ABHD12B: variants seen among roughly 807,000 people sequenced by gnomAD.
ABHD12B encodes abhydrolase domain containing 12B.
Under a neutral mutation model 50.4 loss-of-function variants are expected in ABHD12B, and 42 were observed. The ratio of observed to expected loss-of-function variants is 0.83; its 90% CI spans 0.65 to 1.08. The LOEUF (loss-of-function observed/expected upper bound fraction) is 1.08. Ranked by LOEUF, ABHD12B falls within the 50% of genes least tolerant of loss-of-function variation. The pLI, the probability that ABHD12B is intolerant of heterozygous loss-of-function variation, is 0.00. For synonymous variants in ABHD12B, 167 were observed against 160.3 expected, an observed-to-expected ratio of 1.04 and a Z score of -0.32; for missense variants, 479 against 447.7, an observed-to-expected ratio of 1.07 and a Z score of -0.63.
rs373999342 is a variant in ABHD12B, at chr14:50,892,420, T to C, written c.780+3517T>C. On this transcript the variant is annotated intron_variant, in intron 9 of 12. Transcript: ENST00000337334. ...TAGCTTTGGCCTGATTCAGGCGGGGTGCTAAGCTTTGAAGCAAAGGGCCTG... is the reference window on the plus strand; with the variant it reads ...TAGCTTTGGCCTGATTCAGGCGGGGCGCTAAGCTTTGAAGCAAAGGGCCTG... 7.1e-6 allele frequency: 7 copies of C among 985,174 alleles called. No homozygotes were observed. The East Asian group carries it at 7.9e-4, about 112-fold the overall frequency. 61.0% of individuals were successfully genotyped at this position (985,174 alleles called of 1,614,324 possible).
chr14:50,872,234 T>A lies in ABHD12B; in HGVS notation c.60T>A (p.Arg20=). Residue 20 remains arginine, a synonymous_variant, in exon 1 of 13, where the codon CGT becomes CGA. Transcript: ENST00000337334. ...ASPEPPGPPA[R]SCVAAWWDMV... Reference sequence around the variant, plus strand: ...CCGAGCCGCCCGGGCCCCCAGCCCGTAGCTGCGTGGCCGCCTGGTGGGACA... The same window carrying A: ...CCGAGCCGCCCGGGCCCCCAGCCCGAAGCTGCGTGGCCGCCTGGTGGGACA... The A allele has an allele frequency of 7.2e-7, 1 of 1,394,068 alleles. No homozygotes were observed. Among genetic ancestry groups the A allele is most frequent in the Non-Finnish European group, 9.3e-7 (1 of 1,071,038 alleles). 86.4% of individuals were successfully genotyped at this position (1,394,068 alleles called of 1,614,324 possible). A position where few individuals can be genotyped will look rare whatever the true frequency, so the allele number is the denominator to read the frequency against.
At chr14:50,892,830 G>T (rs552905433) in intron 9 of ABHD12B, 1 of 152,820 alleles carries the variant, frequency 6.5e-6, no homozygotes, top group African/African-American at 2.4e-5. Context: ...TTTGAAGTGT[G>T]TTCTAATTAT....
At chr14:50,897,462 T>A (rs562340721) in intron 9 of ABHD12B, among the ~76,000 whole-genome samples, 32 of 152,390 alleles carry the variant, frequency 2.1e-4, no homozygotes, top group African/African-American at 7.5e-4. Flanking sequence ...GCTTCTTGAC[T>A]TAAAGTCAAC....
chr14:50,894,284 C>A (rs1018824113), intron 9 of ABHD12B, among the ~76,000 whole-genome samples: 6 of 152,068 alleles, frequency 3.9e-5, no homozygotes, highest in South Asian at 2.1e-4. Context: ...GGGCAAAAAA[C>A]CCCCAATCGC....
intron 9 of ABHD12B, chr14:50,892,219 G>C (rs1414583937): frequency 1.9e-5 from 3 of 154,114 alleles, no homozygotes; most frequent in African/African-American, 7.2e-5. Context: ...TCTCATTTAG[G>C]TTTTGTTTAG....
intron 9 of ABHD12B, 23 bp from the exon 10 acceptor site, chr14:50,901,806 T>A: frequency 6.6e-7 from 1 of 1,526,566 alleles, no homozygotes; most frequent in Non-Finnish European, 8.9e-7. Context: ...AAATATTAAT[T>A]TTTTTTTCTT....
At chr14:50,904,243 G>A (rs1596027128) in intron 12 of ABHD12B, 51 bp downstream of exon 12, 1 of 1,613,176 alleles carries the variant, frequency 6.2e-7, no homozygotes, top group Non-Finnish European at 8.5e-7. Flanking sequence ...AATTAGGGCT[G>A]CTCTGGCTTA....
intron 5 of ABHD12B, among the ~76,000 whole-genome samples, chr14:50,883,435 A>T (rs1199736573): frequency 2.6e-5 from 4 of 152,128 alleles, no homozygotes; most frequent in Admixed American, 2.6e-4. Flanking sequence ...CTCAGAGCCA[A>T]TGCTTGTAGA....
chr14:50,881,654 C>G, intron 5 of ABHD12B, 28 bp downstream of exon 5: 1 of 1,612,866 alleles, frequency 6.2e-7, no homozygotes, highest in Non-Finnish European at 8.5e-7. Context: ...TCAAAGCACC[C>G]ATTTCATAAG....
intron 2 of ABHD12B, 61 bp downstream of exon 2, chr14:50,878,140 C>T (rs897907799): frequency 2.2e-5 from 30 of 1,361,808 alleles, no homozygotes; most frequent in African/African-American, 2.9e-5. Context: ...GACCTCAGTA[C>T]CCTTAAAGTT....
intron 1 of ABHD12B, among the ~76,000 whole-genome samples, chr14:50,876,220 A>T (rs1040837384): frequency 5.3e-5 from 8 of 152,238 alleles, no homozygotes; most frequent in African/African-American, 1.9e-4. Context: ...TGATTTTATG[A>T]GTAGGCAATT....
chr14:50,895,929 G>T lies in ABHD12B; in HGVS notation c.781-5900G>T, dbSNP rs562866358. Among the ~76,000 whole-genome samples the T allele has an allele frequency of 4.4e-3, 665 of 151,632 alleles. 3 individuals carry two copies. The highest frequency in any genetic ancestry group is 0.027 in the Middle Eastern group (8 of 294). ...AGTTATCCCCACCTGCCCAGTTCCC[G>T]TATTAGGCTGAGACACTTTAACTAA... On this transcript the variant is annotated intron_variant, in intron 9 of 12. Transcript: ENST00000337334.
rs140540525 is a variant in ABHD12B, at chr14:50,881,027, C to T, written c.455+456C>T. ...ATATGACTCCTTAAGAGAGGTCACA[C>T]GGAATTCTGACCACAGGTACTGGGG... On this transcript the variant is annotated intron_variant, in intron 4 of 12. Transcript: ENST00000337334. Among the ~76,000 whole-genome samples the T allele has an allele frequency of 3.2e-4, 48 of 152,266 alleles. No homozygotes were observed. In the East Asian group the frequency reaches 3.5e-3, roughly 11 times the overall value.
Position 50,880,459 on chromosome 14 carries a change from G to A in ABHD12B, c.343G>A (p.Val115Ile), listed in dbSNP as rs1424349396. The A allele has an allele frequency of 6.2e-7, 1 of 1,608,102 alleles. No individual in the cohort carries two copies. The highest frequency in any genetic ancestry group is 1.1e-5 in the South Asian group (1 of 89,902). The change falls in exon 4 of 13, where the codon GTC becomes ATC. Residue 115 changes from valine to isoleucine, a missense_variant. Physicochemically the swap from Val to Ile is conservative, Grantham distance 29 (BLOSUM62 3). Transcript: ENST00000337334. Reference sequence around the variant, plus strand: ...ACCTCCCTTGCTCTTCAGGCACACAGTCCCCAGCTGCCGGGGGGAAGATGC... The same window carrying A: ...ACCTCCCTTGCTCTTCAGGCACACAATCCCCAGCTGCCGGGGGGAAGATGC... Reference protein sequence around the residue: ...PGVMLGIWHTVPSCRGEDAKG... With the variant: ...PGVMLGIWHTIPSCRGEDAKG...
chr14:50,889,372 G>A (rs952005822), intron 9 of ABHD12B, among the ~76,000 whole-genome samples: 1 of 152,186 alleles, frequency 6.6e-6, no homozygotes, highest in African/African-American at 2.4e-5. Context: ...GGGAGTGGTG[G>A]CTCCCACCTA....
intron 12 of ABHD12B, 29 bp downstream of exon 12, chr14:50,904,221 G>A (rs1326264384): frequency 6.2e-7 from 1 of 1,613,084 alleles, no homozygotes; most frequent in African/African-American, 1.3e-5. Flanking sequence ...AATGTATGTT[G>A]CCCTTCAAGG....
chr14:50,889,038 T>C, intron 9 of ABHD12B, 135 bp downstream of exon 9: 1 of 636,162 alleles, frequency 1.6e-6, no homozygotes, highest in Non-Finnish European at 2.5e-6. Flanking sequence ...GTTATTCTAA[T>C]CTGAGACAGT....
Position 50,872,224 on chromosome 14 carries a change from C to A in ABHD12B, c.50C>A (p.Pro17His). 1 of 1,391,214 alleles carries A rather than the reference C, an allele frequency of 7.2e-7. No individual in the cohort carries two copies. The highest frequency in any genetic ancestry group is 9.4e-7 in the Non-Finnish European group (1 of 1,069,488). The allele number at this position is 1,391,214 out of a possible 1,614,324, so 86.2% of individuals were successfully genotyped here. A position where few individuals can be genotyped will look rare whatever the true frequency, so the allele number is the denominator to read the frequency against. The change falls in exon 1 of 13, where the codon CCC (proline) becomes CAC (histidine). Residue 17 changes from proline (P) to histidine (H), a missense_variant. Transcript: ENST00000337334. Reference sequence around the variant, plus strand: ...GCCGCATCGCCCGAGCCGCCCGGGCCCCCAGCCCGTAGCTGCGTGGCCGCC... The same window carrying A: ...GCCGCATCGCCCGAGCCGCCCGGGCACCCAGCCCGTAGCTGCGTGGCCGCC... ...QAAASPEPPG[P>H]PARSCVAAWW... is the part of the protein sequence containing the mutation.
chr14:50,898,122 T>G (rs952543569), intron 9 of ABHD12B, among the ~76,000 whole-genome samples: 25 of 152,244 alleles, frequency 1.6e-4, no homozygotes, highest in Admixed American at 3.9e-4. Context: ...CGTTATAAAC[T>G]GCCTGAGAGT....
Sources: gnomAD v4.1 joint callset for allele counts (sites outside exome capture counted in the v4.1 genomes callset) on GRCh38, gnomAD v4.1.1 for gene constraint, MANE v1.5 for transcripts, NCBI Gene and HGNC (gene_info 2026-07-23, HGNC 2026-07-21) for gene names.